Variants in MYL10 observed in about 807,000 individuals in gnomAD.
MYL10 encodes myosin regulatory light chain 10.
MYL10 carries 18 observed loss-of-function variants against 21.9 expected under a neutral mutation model. That is an observed-to-expected ratio of 0.82 (90% CI 0.57 to 1.22). The LOEUF (loss-of-function observed/expected upper bound fraction) is 1.22. Ranked by LOEUF, MYL10 falls within the 50% of genes most tolerant of loss-of-function variation. MYL10 has a pLI of 0.00. For missense variants in MYL10, 225 were observed against 230.4 expected, an observed-to-expected ratio of 0.98 and a Z score of 0.15; for synonymous variants, 88 against 82.8, an observed-to-expected ratio of 1.06 and a Z score of -0.34.
chr7:101,617,590 T>C (rs1434168495), intron 5 of MYL10, among the ~76,000 whole-genome samples: 1 of 151,260 alleles, frequency 6.6e-6, no homozygotes, highest in East Asian at 2.0e-4. Flanking sequence ...TCAGGGCCAT[T>C]TGTTCCTCCA....
intron 5 of MYL10, among the ~76,000 whole-genome samples, chr7:101,617,734 C>T (rs565512529): frequency 3.7e-4 from 57 of 152,208 alleles, no homozygotes; most frequent in African/African-American, 1.3e-3. Flanking sequence ...TCATCTGTGC[C>T]TCCCCCATCA....
intron 1 of MYL10, 132 bp from the exon 2 acceptor site, chr7:101,624,396 GAC>G: frequency 1.6e-6 from 1 of 632,670 alleles, no homozygotes; most frequent in Non-Finnish European, 2.7e-6. Context: ...ACAGCAGACA[GAC>G]AAGGCTACCC....
chr7:101,620,688 G>A (rs1754487376), intron 5 of MYL10, among the ~76,000 whole-genome samples: 1 of 152,078 alleles, frequency 6.6e-6, no homozygotes, highest in South Asian at 2.1e-4. Flanking sequence ...AAGGCAGGGG[G>A]TTCAAGGGAG....
intron 1 of MYL10, 82 bp from the exon 2 acceptor site, chr7:101,624,346 C>T: frequency 9.6e-7 from 1 of 1,042,316 alleles, no homozygotes. Context: ...CCCAGGGCAT[C>T]ACGGTCCAGA....
At chr7:101,624,296 C>A (rs897860442) in intron 1 of MYL10, 32 bp from the exon 2 acceptor site, 11 of 1,576,244 alleles carry the variant, frequency 7.0e-6, no homozygotes, top group African/African-American at 1.4e-5. Context: ...CTTGCAGCGG[C>A]CCCTGCCTCG....
At chr7:101,624,607 A>G (rs1562826644) in intron 1 of MYL10, among the ~76,000 whole-genome samples, 1 of 152,060 alleles carries the variant, frequency 6.6e-6, no homozygotes, top group African/African-American at 2.4e-5. Flanking sequence ...GGCATCCTCC[A>G]CTACAGCTGG....
At chr7:101,623,138 C>A in intron 3 of MYL10, 66 bp from the exon 4 acceptor site, 1 of 1,475,504 alleles carries the variant, frequency 6.8e-7, no homozygotes. Context: ...CCCCAGGGAC[C>A]GTCCTCCTGC....
At chr7:101,622,009 G>A in intron 5 of MYL10, 87 bp downstream of exon 5, 2 of 1,009,426 alleles carry the variant, frequency 2.0e-6, no homozygotes, top group Non-Finnish European at 1.5e-6. Flanking sequence ...CACCTGTGGT[G>A]TGTATGTGTG....
chr7:101,617,240 C>T (rs1193633113), intron 5 of MYL10, among the ~76,000 whole-genome samples: 1 of 152,250 alleles, frequency 6.6e-6, no homozygotes, highest in South Asian at 2.1e-4. Flanking sequence ...ACCCACCTCA[C>T]AGGAGCAGCT....
At chr7:101,617,906 C>T (rs1219927449) in intron 5 of MYL10, among the ~76,000 whole-genome samples, 1 of 152,004 alleles carries the variant, frequency 6.6e-6, no homozygotes, top group Non-Finnish European at 1.5e-5. Context: ...AAGTGTGCTT[C>T]CCCCCTCAGA....
chr7:101,619,263 T>C (rs1397247906), intron 5 of MYL10, among the ~76,000 whole-genome samples: 1 of 152,184 alleles, frequency 6.6e-6, no homozygotes, highest in African/African-American at 2.4e-5. Flanking sequence ...GCTTCTGAGC[T>C]CTTCCAGGAG....
intron 5 of MYL10, among the ~76,000 whole-genome samples, chr7:101,619,008 C>G (rs1196420802): frequency 6.6e-6 from 1 of 152,198 alleles, no homozygotes; most frequent in Non-Finnish European, 1.5e-5. Flanking sequence ...AGCAGGGCCC[C>G]TCGCCCATGC....
Position 101,622,093 on chromosome 7 carries a change from C to A in MYL10, c.454+3G>T. 1 of 1,612,894 alleles carries A rather than the reference C, an allele frequency of 6.2e-7. No individual in the cohort carries two copies. Among genetic ancestry groups the A allele is most frequent in the Non-Finnish European group, 8.5e-7 (1 of 1,178,982 alleles). ...CCTCCAGGACTCCAGGAGCCTGGCT[C>A]ACCCTTCAGCTTCTCCCCAAACATG... On this transcript the variant is annotated splice_donor_region_variant and intron_variant, in intron 5 of 7. Transcript: ENST00000223167.
intron 1 of MYL10, among the ~76,000 whole-genome samples, chr7:101,626,805 C>T (rs1471940170): frequency 1.3e-5 from 2 of 152,196 alleles, no homozygotes; most frequent in Non-Finnish European, 2.9e-5. Context: ...AAAGCAGAGG[C>T]TCAAATCAGG....
chr7:101,618,594 C>A (rs1201907677), intron 5 of MYL10, among the ~76,000 whole-genome samples: 1 of 152,210 alleles, frequency 6.6e-6, no homozygotes, highest in African/African-American at 2.4e-5. Context: ...CTGCAAACCT[C>A]ATAAAATCTG....
In MYL10 at chr7:101,622,131, G is replaced by A. The variant is rs979067610; in HGVS notation, c.419C>T (p.Thr140Met). 1.2e-5 allele frequency: 20 copies of A among 1,613,776 alleles called. No individual in the cohort carries two copies. The highest frequency in any genetic ancestry group is 3.3e-5 in the South Asian group (3 of 91,054). The change falls in exon 5 of 8, where the codon ACG (threonine) becomes ATG (methionine). Residue 140 changes from threonine to methionine, a missense_variant. Transcript: ENST00000223167. ...VKEAPGPINFTVFLTMFGEKL... is the reference protein window; with the variant it reads ...VKEAPGPINFMVFLTMFGEKL... ...CTCCCCAAACATGGTCAGGAACACC[G>A]TGAAGTTGATGGGTCCGGGGGCCTC...
At chr7:101,621,736 G>A (rs1198339513) in intron 5 of MYL10, among the ~76,000 whole-genome samples, 2 of 152,072 alleles carry the variant, frequency 1.3e-5, no homozygotes, top group Non-Finnish European at 2.9e-5. Flanking sequence ...CTACAGGCAT[G>A]TGTCACCATG....
chr7:101,624,337 C>T, intron 1 of MYL10, 73 bp from the exon 2 acceptor site: 1 of 1,138,664 alleles, frequency 8.8e-7, no homozygotes, highest in Non-Finnish European at 1.3e-6. Context: ...GTCTCACCTC[C>T]CAGGGCATCA....
chr7:101,628,453 CT>C (rs1796771503), intron 1 of MYL10, among the ~76,000 whole-genome samples: 1 of 152,098 alleles, frequency 6.6e-6, no homozygotes, highest in Non-Finnish European at 1.5e-5. Flanking sequence ...GAGATATTGT[CT>C]CTTAAAAAAA....
Sources: gnomAD v4.1 joint callset for allele counts (sites outside exome capture counted in the v4.1 genomes callset) on GRCh38, gnomAD v4.1.1 for gene constraint, MANE v1.5 for transcripts, NCBI Gene and HGNC (gene_info 2026-07-23, HGNC 2026-07-21) for gene names.